Variants in SLIT3 observed in about 807,000 individuals in gnomAD.
SLIT3 encodes slit guidance ligand 3.
In SLIT3, 68 loss-of-function variants were observed where a neutral mutation model predicts 184.0. The observed-to-expected ratio is 0.37, with a 90% CI of 0.30 to 0.45. The LOEUF is 0.45. Among genes scored for constraint, SLIT3 ranks in the 20% least tolerant of loss-of-function variants. The pLI is 1.00. For missense variants in SLIT3, 1,707 were observed against 2,026.0 expected, an observed-to-expected ratio of 0.84 and a Z score of 3.02; for synonymous variants, 831 against 828.6, an observed-to-expected ratio of 1.00 and a Z score of -0.05.
chr5:168,662,070 T>A lies in SLIT3; in HGVS notation c.*4384A>T, dbSNP rs1038625947. 1 of 152,316 alleles carries A rather than the reference T, an allele frequency of 6.6e-6. No homozygotes were observed. Among genetic ancestry groups the A allele is most frequent in the Admixed American group, 6.5e-5 (1 of 15,304 alleles). 9.4% of individuals were successfully genotyped at this position (152,316 alleles called of 1,614,324 possible). On this transcript the variant is annotated 3_prime_UTR_variant, in exon 36 of 36. Transcript: ENST00000519560. ...ATGAACAAGTCCCACAAAACCACACTATGCCCTCTGCTTCCCCATCATGTG... is the reference window on the plus strand; with the variant it reads ...ATGAACAAGTCCCACAAAACCACACAATGCCCTCTGCTTCCCCATCATGTG...
chr5:168,983,714 T>C (rs1755028030), intron 4 of SLIT3, among the ~76,000 whole-genome samples: 1 of 152,302 alleles, frequency 6.6e-6, no homozygotes, highest in East Asian at 1.9e-4. Flanking sequence ...CAGTAAACAT[T>C]AGCTGTTATA....
At chr5:169,082,158 T>C (rs1759091718) in intron 4 of SLIT3, among the ~76,000 whole-genome samples, 1 of 152,224 alleles carries the variant, frequency 6.6e-6, no homozygotes, top group Non-Finnish European at 1.5e-5. Flanking sequence ...GCCGTAGACA[T>C]GCCAGCAATA....
intron 4 of SLIT3, among the ~76,000 whole-genome samples, chr5:168,891,458 G>A (rs1249994195): frequency 6.6e-6 from 1 of 152,180 alleles, no homozygotes; most frequent in Non-Finnish European, 1.5e-5. Context: ...AGCTTGGAGG[G>A]GAGACTGGTT....
intron 3 of SLIT3, among the ~76,000 whole-genome samples, chr5:169,223,043 T>C (rs1302293973): frequency 6.6e-6 from 1 of 152,164 alleles, no homozygotes; most frequent in Non-Finnish European, 1.5e-5. Flanking sequence ...CTAATAAATT[T>C]AGCTGCATGG....
At chr5:168,914,033 C>G (rs1018585745) in intron 4 of SLIT3, among the ~76,000 whole-genome samples, 2 of 152,162 alleles carry the variant, frequency 1.3e-5, no homozygotes, top group Non-Finnish European at 2.9e-5. Flanking sequence ...TTTTAAATGG[C>G]CACATACTCT....
At chr5:168,689,237 T>C (rs922190647) in intron 29 of SLIT3, among the ~76,000 whole-genome samples, 7 of 152,218 alleles carry the variant, frequency 4.6e-5, no homozygotes, top group African/African-American at 1.7e-4. Flanking sequence ...AGCAAGGACC[T>C]ATATAGTACT....
intron 4 of SLIT3, among the ~76,000 whole-genome samples, chr5:168,984,276 A>G (rs1044788868): frequency 3.3e-5 from 5 of 152,104 alleles, no homozygotes; most frequent in African/African-American, 1.2e-4. Context: ...CAAGAACTCA[A>G]TGTGGGGACT....
At chr5:168,828,963 C>T (rs889304618) in intron 6 of SLIT3, among the ~76,000 whole-genome samples, 2 of 152,204 alleles carry the variant, frequency 1.3e-5, no homozygotes, top group African/African-American at 2.4e-5. Context: ...TGTTTCCCCA[C>T]TTAGGAAGAA....
chr5:169,254,173 C>T (rs1765870688), intron 1 of SLIT3, among the ~76,000 whole-genome samples: 1 of 152,234 alleles, frequency 6.6e-6, no homozygotes, highest in African/African-American at 2.4e-5. Context: ...TTGTCTCCTA[C>T]TTGCAGGCCA....
At chr5:169,196,289 A>C (rs1763740788) in intron 3 of SLIT3, among the ~76,000 whole-genome samples, 2 of 152,116 alleles carry the variant, frequency 1.3e-5, no homozygotes. Context: ...GCTTGATGTG[A>C]TGTATGTGGG....
At position 168,753,987 on chromosome 5, in the gene SLIT3, A is replaced by T; in HGVS notation, c.1706T>A (p.Ile569Asn). Reference protein sequence around the residue: ...LRKINLSNNKIKEVREGAFDG... With the variant: ...LRKINLSNNKNKEVREGAFDG... ...GAAAGCTCCCTCTCGCACCTCCTTG[A>T]TCTTATTGTTACTCAGATTTCTAGA... Residue 569 changes from isoleucine (I) to asparagine (N), a missense_variant, in exon 17 of 36, where the codon ATC (isoleucine) becomes AAC (asparagine). Transcript: ENST00000519560. 1 of 1,597,602 alleles carries T rather than the reference A, an allele frequency of 6.3e-7. No individual in the cohort carries two copies. The highest frequency in any genetic ancestry group is 8.5e-7 in the Non-Finnish European group (1 of 1,174,694).
chr5:169,015,103 C>A (rs201726859), intron 4 of SLIT3, among the ~76,000 whole-genome samples: 14 of 145,660 alleles, frequency 9.6e-5, no homozygotes, highest in South Asian at 4.4e-4. Context: ...ACTAACTGGA[C>A]AAAAAAAAAA....
chr5:169,207,955 T>C (rs183474926), intron 3 of SLIT3, among the ~76,000 whole-genome samples: 206 of 152,326 alleles, frequency 1.4e-3, no homozygotes, highest in African/African-American at 4.6e-3. Flanking sequence ...CTTCCCCTTA[T>C]TTATTTATAA....
At chr5:168,848,290 C>A (rs888687912) in intron 5 of SLIT3, among the ~76,000 whole-genome samples, 7 of 152,198 alleles carry the variant, frequency 4.6e-5, no homozygotes. Context: ...AAAGACTGAG[C>A]CCTCCTGCTG....
intron 3 of SLIT3, among the ~76,000 whole-genome samples, chr5:169,240,624 T>C (rs891205321): frequency 1.3e-4 from 20 of 150,608 alleles, no homozygotes; most frequent in African/African-American, 4.9e-4. Flanking sequence ...TCTATCCTTA[T>C]GTTTAATGTT....
At chr5:169,088,688 G>T (rs1759425320) in intron 4 of SLIT3, among the ~76,000 whole-genome samples, 3 of 151,996 alleles carry the variant, frequency 2.0e-5, no homozygotes, top group African/African-American at 7.2e-5. Flanking sequence ...AATCTCCAAG[G>T]AGCTTTGAGG....
rs1482811837 is a variant in SLIT3, at chr5:169,011,998, T to C, written c.414-128662A>G. 2.0e-5 allele frequency: 3 copies of C among 151,986 alleles called. No homozygotes were observed. In the East Asian group the frequency reaches 5.8e-4, roughly 29 times the overall value. 9.4% of individuals were successfully genotyped at this position (151,986 alleles called of 1,614,324 possible). ...TGTTAGAAGGTAGGAACCACTTTTA[T>C]TGTCATTTTTTATTCTTTATAACTT... On this transcript the variant is annotated intron_variant, in intron 4 of 35. Transcript: ENST00000519560.
At chr5:168,917,126 A>G (rs1294266227) in intron 4 of SLIT3, among the ~76,000 whole-genome samples, 3 of 152,220 alleles carry the variant, frequency 2.0e-5, no homozygotes, top group African/African-American at 7.2e-5. Context: ...GTAACTAGGA[A>G]TAGACAGCGA....
intron 25 of SLIT3, chr5:168,708,562 T>TC (rs1762448134): frequency 5.7e-6 from 1 of 174,740 alleles, no homozygotes; most frequent in Admixed American, 5.6e-5. Flanking sequence ...ACAGAGGAAG[T>TC]CCCCCCTGGA....
Sources: gnomAD v4.1 joint callset for allele counts (sites outside exome capture counted in the v4.1 genomes callset) on GRCh38, gnomAD v4.1.1 for gene constraint, MANE v1.5 for transcripts, NCBI Gene and HGNC (gene_info 2026-07-23, HGNC 2026-07-21) for gene names.